CACHD1: variants seen among roughly 807,000 people sequenced by gnomAD.
CACHD1 encodes the protein VWFA and cache domain-containing protein 1.
A neutral mutation model predicts 138.7 loss-of-function variants in CACHD1; 71 were observed. The observed-to-expected ratio is 0.51, with a 90% CI of 0.42 to 0.62. The LOEUF (loss-of-function observed/expected upper bound fraction) is 0.62, where lower values mean the gene tolerates loss of function less well. Among genes scored for constraint, CACHD1 ranks in the 20% least tolerant of loss-of-function variants. The pLI, the probability that CACHD1 is intolerant of heterozygous loss-of-function variation, is 0.00. For missense variants in CACHD1, 1,389 were observed against 1,625.3 expected (o/e 0.85, Z 2.50); for synonymous variants, 578 against 591.5 (o/e 0.98, Z 0.33).
intron 1 of CACHD1, among the ~76,000 whole-genome samples, chr1:64,548,662 A>G (rs968630456): frequency 2.0e-5 from 3 of 152,220 alleles, no homozygotes; most frequent in Admixed American, 6.5e-5. Flanking sequence ...CCCCATAATC[A>G]AATACATTGG....
intron 1 of CACHD1, among the ~76,000 whole-genome samples, chr1:64,532,371 G>A (rs184806184): frequency 1.3e-4 from 20 of 152,284 alleles, no homozygotes; most frequent in East Asian, 1.2e-3. Context: ...TGCAGCATAC[G>A]TATTGTGGAG....
Position 64,679,556 on chromosome 1 carries a change from A to T in CACHD1, c.3245-39A>T, listed in dbSNP as rs769469590. 6.2e-6 allele frequency: 10 copies of T among 1,609,122 alleles called. No individual in the cohort carries two copies. The East Asian group carries it at 1.8e-4, about 29-fold the overall frequency. ...TCCTTACTTTCTTCCCCACTTGGGA[A>T]ATCTTAACAAGAAACATCTTCTTGC... On this transcript the variant is annotated intron_variant, in intron 23 of 26. Transcript: ENST00000651257.
intron 3 of CACHD1, among the ~76,000 whole-genome samples, chr1:64,597,218 A>T (rs1286918877): frequency 6.6e-6 from 1 of 152,122 alleles, no homozygotes; most frequent in East Asian, 1.9e-4. Context: ...CACTGTTTTG[A>T]TGTAAGATTC....
intron 4 of CACHD1, among the ~76,000 whole-genome samples, chr1:64,604,374 A>G: frequency 6.6e-6 from 1 of 152,208 alleles, no homozygotes; most frequent in East Asian, 1.9e-4. Flanking sequence ...TACAAAAATA[A>G]CAAAAGAGGG....
intron 1 of CACHD1, among the ~76,000 whole-genome samples, chr1:64,504,694 T>C (rs1646358332): frequency 6.6e-6 from 1 of 152,240 alleles, no homozygotes; most frequent in Non-Finnish European, 1.5e-5. Flanking sequence ...AAAGATATAC[T>C]GACCTGGGCA....
At chr1:64,473,057 ATCGGTGGGGGG>A in intron 1 of CACHD1, among the ~76,000 whole-genome samples, 1 of 152,260 alleles carries the variant, frequency 6.6e-6, no homozygotes, top group South Asian at 2.1e-4. Flanking sequence ...AAAAGCTCTG[ATCGGTGGGGGG>A]TTTGTGCCCA....
chr1:64,506,904 A>G (rs902566554), intron 1 of CACHD1, among the ~76,000 whole-genome samples: 1 of 152,182 alleles, frequency 6.6e-6, no homozygotes, highest in Non-Finnish European at 1.5e-5. Flanking sequence ...ACAGTTAGGA[A>G]CCTATAGTTG....
At chr1:64,595,743 T>C (rs549804487) in intron 3 of CACHD1, among the ~76,000 whole-genome samples, 2 of 152,244 alleles carry the variant, frequency 1.3e-5, no homozygotes, top group African/African-American at 2.4e-5. Flanking sequence ...TGTTTGAATA[T>C]AGAAGTGAGA....
intron 10 of CACHD1, among the ~76,000 whole-genome samples, chr1:64,653,386 T>TAAAAAAAAAAAAAAAAAAAAA: frequency 9.2e-6 from 1 of 108,476 alleles, no homozygotes; most frequent in Non-Finnish European, 2.1e-5. Flanking sequence ...TAAAAGAAGT[T>TAAAAAAAAAAAAAAAAAAAAA]AAAAAAAAAA....
intron 2 of CACHD1, among the ~76,000 whole-genome samples, chr1:64,562,265 C>T (rs1646846003): frequency 6.6e-6 from 1 of 152,036 alleles, no homozygotes; most frequent in South Asian, 2.1e-4. Context: ...TATTTGCTCT[C>T]CTTGTAGGTC....
intron 26 of CACHD1, among the ~76,000 whole-genome samples, chr1:64,685,406 A>T (rs1650334348): frequency 6.6e-6 from 1 of 152,180 alleles, no homozygotes; most frequent in Non-Finnish European, 1.5e-5. Flanking sequence ...TATCTCTGTC[A>T]TTACACAAGA....
rs1035952082 is a variant in CACHD1, at chr1:64,672,170, AT to A, written c.2510+485del. Among the ~76,000 whole-genome samples, 10 of 152,346 alleles carry A rather than the reference AT, an allele frequency of 6.6e-5. 1 individual carries two copies. Among genetic ancestry groups the A allele is most frequent in the Admixed American group, 5.2e-4 (8 of 15,304 alleles). ...GAACTTGTCTGATCAAAGCAAGGGC[AT>A]ACCCTTGATTTAATGCAGGCTGCTT... On this transcript the variant is annotated intron_variant, in intron 17 of 26. Coordinates refer to ENST00000651257, the MANE Select transcript of CACHD1 (RefSeq NM_020925.4).
chr1:64,655,402 T>G (rs1649230075), intron 12 of CACHD1, among the ~76,000 whole-genome samples: 1 of 152,138 alleles, frequency 6.6e-6, no homozygotes, highest in Non-Finnish European at 1.5e-5. Context: ...AACCCAAATT[T>G]CTTTAAACAG....
chr1:64,609,048 T>C (rs1647435532), intron 4 of CACHD1, among the ~76,000 whole-genome samples: 1 of 152,208 alleles, frequency 6.6e-6, no homozygotes, highest in Non-Finnish European at 1.5e-5. Context: ...GGGGCATTTA[T>C]AAGTCATGTT....
chr1:64,673,282 T>C (rs1303954613), intron 18 of CACHD1, 25 bp downstream of exon 18: 3 of 1,612,812 alleles, frequency 1.9e-6, no homozygotes, highest in Non-Finnish European at 2.5e-6. Context: ...GCTGAGCTGC[T>C]CAGTTCTCCA....
chr1:64,523,042 G>C (rs1364938014), intron 1 of CACHD1, among the ~76,000 whole-genome samples: 1 of 152,198 alleles, frequency 6.6e-6, no homozygotes, highest in Non-Finnish European at 1.5e-5. Context: ...TCTGTTTACT[G>C]CTGCCTCCAT....
At chr1:64,640,441 C>G (rs191744999) in intron 7 of CACHD1, among the ~76,000 whole-genome samples, 8 of 152,176 alleles carry the variant, frequency 5.3e-5, no homozygotes, top group Non-Finnish European at 1.0e-4. Flanking sequence ...TTTGGGAGGC[C>G]AAGGCGGGCA....
chr1:64,614,700 G>A (rs1197539059), intron 4 of CACHD1, among the ~76,000 whole-genome samples: 1 of 152,190 alleles, frequency 6.6e-6, no homozygotes, highest in African/African-American at 2.4e-5. Flanking sequence ...ACACTGACTT[G>A]TGACATAGGT....
intron 1 of CACHD1, among the ~76,000 whole-genome samples, chr1:64,474,758 G>T (rs1646164690): frequency 6.6e-6 from 1 of 152,238 alleles, no homozygotes; most frequent in Non-Finnish European, 1.5e-5. Flanking sequence ...CACTTATAAG[G>T]CCCATTTAAC....
Sources: gnomAD v4.1 joint callset for allele counts (sites outside exome capture counted in the v4.1 genomes callset) on GRCh38, gnomAD v4.1.1 for gene constraint, MANE v1.5 for transcripts, NCBI Gene and HGNC (gene_info 2026-07-23, HGNC 2026-07-21) for gene names.